Variants in CTIF observed in about 807,000 individuals in gnomAD.
CTIF encodes the protein cap binding complex dependent translation initiation factor, also known as CBP80/20-dependent translation initiation factor.
A neutral mutation model predicts 66.0 loss-of-function variants in CTIF; 21 were observed. The ratio of observed to expected loss-of-function variants is 0.32; its 90% CI spans 0.23 to 0.46. The LOEUF (loss-of-function observed/expected upper bound fraction) is 0.46, where lower values mean the gene tolerates loss of function less well. Ranked by LOEUF, CTIF falls within the 20% of genes least tolerant of loss-of-function variation. The pLI is 1.00. For synonymous variants in CTIF, 345 were observed against 326.4 expected, an observed-to-expected ratio of 1.06 and a Z score of -0.62; for missense variants, 739 against 812.7, an observed-to-expected ratio of 0.91 and a Z score of 1.10.
At chr18:48,540,610 G>C (rs1011984324) in intron 1 of CTIF, among the ~76,000 whole-genome samples, 1 of 152,100 alleles carries the variant, frequency 6.6e-6, no homozygotes, top group African/African-American at 2.4e-5. Context: ...TGTGAGCACC[G>C]CGGGGTGTGC....
chr18:48,654,993 G>A (rs2091220892), intron 3 of CTIF, among the ~76,000 whole-genome samples: 1 of 152,054 alleles, frequency 6.6e-6, no homozygotes, highest in Admixed American at 6.6e-5. Context: ...GGCAGGGGGA[G>A]AGATAGCATT....
intron 1 of CTIF, among the ~76,000 whole-genome samples, chr18:48,562,013 C>T (rs2089174325): frequency 6.6e-6 from 1 of 152,236 alleles, no homozygotes; most frequent in African/African-American, 2.4e-5. Flanking sequence ...ACATATGGCT[C>T]ACAAGGCCTA....
At chr18:48,751,249 A>G (rs1467100499) in intron 7 of CTIF, among the ~76,000 whole-genome samples, 2 of 152,190 alleles carry the variant, frequency 1.3e-5, no homozygotes, top group East Asian at 1.9e-4. Context: ...GACTTTCTCA[A>G]TAGCTTTTGA....
At chr18:48,596,051 T>G (rs1216749237) in intron 1 of CTIF, among the ~76,000 whole-genome samples, 1 of 152,140 alleles carries the variant, frequency 6.6e-6, no homozygotes, top group Non-Finnish European at 1.5e-5. Context: ...TCATACTCTA[T>G]TTGTTAGAAG....
intron 10 of CTIF, among the ~76,000 whole-genome samples, chr18:48,853,867 C>A (rs2069264579): frequency 6.6e-6 from 1 of 152,206 alleles, no homozygotes; most frequent in African/African-American, 2.4e-5. Context: ...GAGCCAGCAA[C>A]ATGACCAGTC....
At chr18:48,588,216 C>G (rs537673291) in intron 1 of CTIF, among the ~76,000 whole-genome samples, 1 of 152,218 alleles carries the variant, frequency 6.6e-6, no homozygotes, top group Non-Finnish European at 1.5e-5. Context: ...AGGACACCCC[C>G]CAGCCCACTC....
chr18:48,621,188 C>T (rs529028101), intron 2 of CTIF, among the ~76,000 whole-genome samples: 4 of 150,552 alleles, frequency 2.7e-5, no homozygotes, highest in South Asian at 2.1e-4. Flanking sequence ...ATGATCATTG[C>T]GATGGAGAAA....
chr18:48,748,894 C>G (rs749457457), intron 7 of CTIF, among the ~76,000 whole-genome samples: 40 of 152,236 alleles, frequency 2.6e-4, no homozygotes, highest in Non-Finnish European at 5.9e-5. Context: ...CCCAGACAGA[C>G]CCCTCTGTTG....
At chr18:48,612,837 G>A (rs2090331698) in intron 1 of CTIF, among the ~76,000 whole-genome samples, 1 of 152,154 alleles carries the variant, frequency 6.6e-6, no homozygotes, top group Admixed American at 6.5e-5. Context: ...ACAGGAGGCT[G>A]GACCCCTTGC....
chr18:48,840,384 G>A (rs1349512564), intron 10 of CTIF, among the ~76,000 whole-genome samples: 1 of 152,302 alleles, frequency 6.6e-6, no homozygotes, highest in Non-Finnish European at 1.5e-5. Context: ...AACACAGTGA[G>A]AATGCACAGG....
At chr18:48,615,591 C>T (rs544399424) in intron 1 of CTIF, among the ~76,000 whole-genome samples, 37 of 152,308 alleles carry the variant, frequency 2.4e-4, no homozygotes, top group South Asian at 8.3e-4. Context: ...TCACCCCACT[C>T]GGAGTTGCTG....
intron 10 of CTIF, among the ~76,000 whole-genome samples, chr18:48,840,594 C>T (rs1303558457): frequency 2.6e-5 from 4 of 152,234 alleles, no homozygotes; most frequent in African/African-American, 7.2e-5. Flanking sequence ...TCCCTACTGA[C>T]ACCCTGGGCA....
At chr18:48,645,268 T>C (rs564854047) in intron 3 of CTIF, among the ~76,000 whole-genome samples, 25 of 16,472 alleles carry the variant, frequency 1.5e-3, no homozygotes, top group African/African-American at 5.0e-3. Context: ...GAAATGCTAA[T>C]GGACACAGGC....
chr18:48,837,117 C>T (rs1568257887), intron 10 of CTIF, among the ~76,000 whole-genome samples: 1 of 152,212 alleles, frequency 6.6e-6, no homozygotes, highest in African/African-American at 2.4e-5. Context: ...TCTTTCTCCT[C>T]CTGGCTCCCA....
chr18:48,664,410 C>T lies in CTIF; in HGVS notation c.327-37C>T, dbSNP rs369288239. 6.7e-5 allele frequency: 105 copies of T among 1,569,226 alleles called. No homozygotes were observed. In the African/African-American group the frequency reaches 1.3e-3, roughly 19 times the overall value. On this transcript the variant is annotated intron_variant, in intron 4 of 11. Coordinates refer to ENST00000256413, the MANE Select transcript of CTIF (RefSeq NM_014772.3). ...TTCCGTCAGTAACTGGGCTGTTGCCCTCTTGCCTCCGTTTCTCACCCTCCC... is the reference window on the plus strand; with the variant it reads ...TTCCGTCAGTAACTGGGCTGTTGCCTTCTTGCCTCCGTTTCTCACCCTCCC...
At chr18:48,661,332 C>T (rs1432151536) in intron 3 of CTIF, among the ~76,000 whole-genome samples, 2 of 152,172 alleles carry the variant, frequency 1.3e-5, no homozygotes, top group Non-Finnish European at 2.9e-5. Context: ...GGAAAATGAA[C>T]TGCATGCTGA....
chr18:48,631,454 A>G (rs2090711454), intron 2 of CTIF, among the ~76,000 whole-genome samples: 1 of 152,182 alleles, frequency 6.6e-6, no homozygotes, highest in African/African-American at 2.4e-5. Context: ...CCAGAGTGAG[A>G]CTCCGTCTCA....
chr18:48,595,374 C>T (rs1256319832), intron 1 of CTIF, among the ~76,000 whole-genome samples: 1 of 152,120 alleles, frequency 6.6e-6, no homozygotes, highest in African/African-American at 2.4e-5. Flanking sequence ...TAATAAATTA[C>T]CCCTCAAATT....
chr18:48,854,813 C>T (rs889691092), intron 10 of CTIF, among the ~76,000 whole-genome samples: 4 of 152,122 alleles, frequency 2.6e-5, no homozygotes, highest in African/African-American at 9.7e-5. Context: ...GTCCCATCTA[C>T]GCAGGAGGCT....
Sources: gnomAD v4.1 joint callset for allele counts (sites outside exome capture counted in the v4.1 genomes callset) on GRCh38, gnomAD v4.1.1 for gene constraint, MANE v1.5 for transcripts, NCBI Gene and HGNC (gene_info 2026-07-23, HGNC 2026-07-21) for gene names.